The following MGRN1 variants were observed in gnomAD, a reference collection of about 807,000 sequenced individuals.
MGRN1 encodes E3 ubiquitin-protein ligase MGRN1.
Under a neutral mutation model 69.2 loss-of-function variants are expected in MGRN1, and 29 were observed. The ratio of observed to expected loss-of-function variants is 0.42; its 90% CI spans 0.31 to 0.57. The LOEUF is 0.57. Among genes scored for constraint, MGRN1 ranks in the 20% least tolerant of loss-of-function variants. The pLI is 0.15. For synonymous variants in MGRN1, 470 were observed against 344.2 expected, an observed-to-expected ratio of 1.37 and a Z score of -4.04; for missense variants, 998 against 796.2, an observed-to-expected ratio of 1.25 and a Z score of -3.05.
chr16:4,653,656 T>C (rs1483303608), intron 4 of MGRN1, among the ~76,000 whole-genome samples: 1 of 148,606 alleles, frequency 6.7e-6, no homozygotes, highest in African/African-American at 2.5e-5. Context: ...GCTTGGCTAA[T>C]TTTTGTATTT....
intron 1 of MGRN1, among the ~76,000 whole-genome samples, chr16:4,645,869 G>A (rs1426030197): frequency 6.6e-6 from 1 of 152,176 alleles, no homozygotes; most frequent in Non-Finnish European, 1.5e-5. Flanking sequence ...CAGGGGATGT[G>A]GGGAGGCTGG....
Position 4,689,478 on chromosome 16 carries a change from G to C in MGRN1, c.*570G>C, listed in dbSNP as rs952285781. 17 of 152,980 alleles carry C rather than the reference G, an allele frequency of 1.1e-4. No individual in the cohort carries two copies. The highest frequency in any genetic ancestry group is 3.9e-4 in the African/African-American group (16 of 41,464). The allele number at this position is 152,980 out of a possible 1,614,324, so 9.5% of individuals were successfully genotyped here. Reference sequence around the variant, plus strand: ...TGCCCTCCCTGGTGCGTCTGCGCTGGGGCCCTCAGTGCTCGGGGCCTTGGG... The same window carrying C: ...TGCCCTCCCTGGTGCGTCTGCGCTGCGGCCCTCAGTGCTCGGGGCCTTGGG... On this transcript the variant is annotated 3_prime_UTR_variant, in exon 17 of 17. Coordinates refer to ENST00000262370, the MANE Select transcript of MGRN1 (RefSeq NM_015246.4).
intron 16 of MGRN1, chr16:4,687,370 C>T (rs539251519): frequency 1.1e-4 from 103 of 928,892 alleles, no homozygotes; most frequent in South Asian, 1.5e-4. Flanking sequence ...AAAACATAGA[C>T]CCCCTCTCTA....
chr16:4,682,885 T>G lies in MGRN1; in HGVS notation c.1421T>G (p.Val474Gly). ...EEDEEKLSED[V>G]DAPPPLGGAE... is the part of the protein sequence containing the mutation. The stretch of plus-strand genomic sequence containing the variant: ...GATGAGGAGAAGCTCTCCGAGGACG[T>G]GGACGCCCCTCCCCCACTGGGTGGC... Residue 474 changes from valine to glycine, a missense_variant, in exon 14 of 17, where the codon GTG becomes GGG. Coordinates refer to ENST00000262370, the MANE Select transcript of MGRN1 (RefSeq NM_015246.4). The G allele has an allele frequency of 6.2e-7, 1 of 1,609,724 alleles. No homozygotes were observed. The highest frequency in any genetic ancestry group is 8.5e-7 in the Non-Finnish European group (1 of 1,177,058).
chr16:4,684,418 C>A (rs943227596), intron 16 of MGRN1, among the ~76,000 whole-genome samples: 1 of 152,216 alleles, frequency 6.6e-6, no homozygotes, highest in Non-Finnish European at 1.5e-5. Flanking sequence ...AGGTACCACA[C>A]GCTGTGCTGG....
intron 7 of MGRN1, among the ~76,000 whole-genome samples, chr16:4,666,484 T>A (rs759871505): frequency 3.3e-5 from 5 of 152,194 alleles, no homozygotes; most frequent in Non-Finnish European, 2.9e-5. Context: ...CATTGTAGAC[T>A]GAGGCCAGCC....
rs371114422 is a variant in MGRN1 at position 4,682,831 on chromosome 16, G to T, written c.1367G>T (p.Arg456Leu). 5 of 1,583,814 alleles carry T rather than the reference G, an allele frequency of 3.2e-6. No individual in the cohort carries two copies. The Admixed American group carries it at 8.8e-5, about 28-fold the overall frequency. ...CTCTCCTCTGTCCCCAGCACCCTACGGTCCCCGTCTTCCCCCATCCACGAA... is the reference window on the plus strand; with the variant it reads ...CTCTCCTCTGTCCCCAGCACCCTACTGTCCCCGTCTTCCCCCATCCACGAA... ...PQSKAPDSTLRSPSSPIHEED... is the reference protein window; with the variant it reads ...PQSKAPDSTLLSPSSPIHEED... The change falls in exon 14 of 17, where the codon CGG (arginine) becomes CTG (leucine). Residue 456 changes from arginine (R) to leucine (L), a missense_variant. Coordinates refer to ENST00000262370, the MANE Select transcript of MGRN1 (RefSeq NM_015246.4).
At chr16:4,683,588 C>T (rs2079239321) in intron 15 of MGRN1, among the ~76,000 whole-genome samples, 2 of 151,016 alleles carry the variant, frequency 1.3e-5, no homozygotes, top group Non-Finnish European at 2.9e-5. Flanking sequence ...TCTGAACATC[C>T]AGGACACAGT....
intron 5 of MGRN1, among the ~76,000 whole-genome samples, chr16:4,660,449 A>G (rs2078651250): frequency 1.3e-5 from 2 of 152,230 alleles, no homozygotes; most frequent in South Asian, 2.1e-4. Flanking sequence ...CCACACCAGT[A>G]AAGCACTGTC....
intron 1 of MGRN1, among the ~76,000 whole-genome samples, chr16:4,632,494 C>G (rs570192256): frequency 6.6e-6 from 1 of 151,746 alleles, no homozygotes; most frequent in East Asian, 1.9e-4. Context: ...CCCGGGTTCA[C>G]GCCATTCTCC....
At chr16:4,644,346 TGTC>T (rs2078230846) in intron 1 of MGRN1, among the ~76,000 whole-genome samples, 1 of 149,134 alleles carries the variant, frequency 6.7e-6, no homozygotes, top group African/African-American at 2.5e-5. Flanking sequence ...TCACTCTTGT[TGTC>T]CAGGCTGGAG....
Position 4,690,417 on chromosome 16 carries a change from C to G in MGRN1, c.*1509C>G, listed in dbSNP as rs1388922609. 6.6e-6 allele frequency: 1 copy of G among 152,096 alleles called. No individual in the cohort carries two copies. Among genetic ancestry groups the G allele is most frequent in the East Asian group, 1.9e-4 (1 of 5,148 alleles). 9.4% of individuals were successfully genotyped at this position (152,096 alleles called of 1,614,324 possible). A position where few individuals can be genotyped will look rare whatever the true frequency, so the allele number is the denominator to read the frequency against. On this transcript the variant is annotated 3_prime_UTR_variant, in exon 17 of 17. Transcript: ENST00000262370. ...GGGCAGCTCAGTACCCTCCCTGAGG[C>G]TCACGGTGGCTCCGAGCATGAGGTC...
At chr16:4,688,696 C>G in intron 16 of MGRN1, 100 bp from the exon 17 acceptor site, 1 of 1,456,168 alleles carries the variant, frequency 6.9e-7, no homozygotes. Context: ...AGTGGGGGTG[C>G]TGGATGGCCC....
intron 5 of MGRN1, among the ~76,000 whole-genome samples, chr16:4,663,196 T>C (rs2078721605): frequency 6.6e-6 from 1 of 152,112 alleles, no homozygotes; most frequent in South Asian, 2.1e-4. Context: ...CCCGAGTAGC[T>C]GGGATTACAG....
intron 16 of MGRN1, chr16:4,686,683 G>T (rs577476440): frequency 1.9e-6 from 2 of 1,052,612 alleles, no homozygotes; most frequent in South Asian, 4.0e-5. Context: ...GGGCAGCACC[G>T]TGGAGGGAAC....
chr16:4,636,040 G>C (rs1009843696), intron 1 of MGRN1, among the ~76,000 whole-genome samples: 9 of 151,744 alleles, frequency 5.9e-5, no homozygotes, highest in Non-Finnish European at 8.8e-5. Context: ...GACCTCAGGT[G>C]ATCCACCTGC....
chr16:4,687,145 C>G, intron 16 of MGRN1: 1 of 985,426 alleles, frequency 1.0e-6, no homozygotes, highest in African/African-American at 1.7e-5. Context: ...CCTCCCAGTA[C>G]TGGAACCTTC....
At chr16:4,641,288 G>A (rs1296204102) in intron 1 of MGRN1, among the ~76,000 whole-genome samples, 6 of 152,180 alleles carry the variant, frequency 3.9e-5, no homozygotes. Context: ...GGGACCTAGG[G>A]TCTCCTTCCC....
rs370262972 is a variant in MGRN1 at position 4,688,905 on chromosome 16, C to G, written c.1728C>G (p.Leu576=). 28 of 1,541,820 alleles carry G rather than the reference C, an allele frequency of 1.8e-5. No individual in the cohort carries two copies. The highest frequency in any genetic ancestry group is 1.7e-4 in the Middle Eastern group (1 of 5,756). The part of the protein sequence containing the change: ...PDPSAAELTP[L] ...CCAGCGCCGCCGAGCTGACCCCACT[C>G]TGAGAGCCTGGCCGAGCTGGCAGCA... The change falls in exon 17 of 17, where the codon CTC becomes CTG. Residue 576 remains leucine, a synonymous_variant. Transcript: ENST00000262370.
Sources: allele counts gnomAD v4.1 joint callset (sites outside exome capture counted in the v4.1 genomes callset), GRCh38; gene constraint gnomAD v4.1.1; transcripts MANE v1.5; gene names NCBI Gene and HGNC (gene_info 2026-07-23, HGNC 2026-07-21).